The following NOTCH2NLC variants were observed in gnomAD, a reference collection of about 807,000 sequenced individuals.
NOTCH2NLC encodes the protein notch homolog 2 N-terminal-like protein C.
A neutral mutation model predicts 17.7 loss-of-function variants in NOTCH2NLC; 4 were observed. The observed-to-expected ratio is 0.23, with a 90% CI of 0.11 to 0.52. The LOEUF is 0.52. Among genes scored for constraint, NOTCH2NLC ranks in the 20% least tolerant of loss-of-function variants. NOTCH2NLC has a pLI of 0.96. For missense variants in NOTCH2NLC, 57 were observed against 207.2 expected (o/e 0.28, Z 4.45); for synonymous variants, 18 against 86.0 (o/e 0.21, Z 4.38).
rs1238905171 is a variant in NOTCH2NLC at position 149,461,062 on chromosome 1, G to A, written c.470-2429G>A. Among the ~76,000 whole-genome samples, 4 of 149,316 alleles carry A rather than the reference G, an allele frequency of 2.7e-5. 1 individual carries two copies. The highest frequency in any genetic ancestry group is 4.9e-5 in the African/African-American group (2 of 40,498). On this transcript the variant is annotated intron_variant, in intron 3 of 4. Transcript: ENST00000650865. ...TGATTCTTGTGCCTCAGCCTCCCAG[G>A]TAGCTGGGATTACAGGTATGTGCTA...
At chr1:149,391,192 G>C (rs1456665597) in intron 1 of NOTCH2NLC, among the ~76,000 whole-genome samples, 9 of 37,182 alleles carry the variant, frequency 2.4e-4, no homozygotes, top group Admixed American at 5.0e-4. Context: ...CTCCTCGGCA[G>C]GAGGGAGGCC....
chr1:149,442,097 C>T (rs1484209137), intron 2 of NOTCH2NLC, among the ~76,000 whole-genome samples: 1 of 150,614 alleles, frequency 6.6e-6, no homozygotes, highest in Non-Finnish European at 1.5e-5. Context: ...TCCATCGAGG[C>T]TGAAATACCT....
At chr1:149,419,065 TTTTCTTTTC>T (rs2084363680) in intron 1 of NOTCH2NLC, among the ~76,000 whole-genome samples, 2 of 149,670 alleles carry the variant, frequency 1.3e-5, no homozygotes, top group Non-Finnish European at 3.0e-5. Flanking sequence ...CTTTTTTTTC[TTTTCTTTTC>T]TTTCTTTTCT....
intron 1 of NOTCH2NLC, among the ~76,000 whole-genome samples, chr1:149,399,701 G>A (rs1403929491): frequency 1.0e-4 from 12 of 117,258 alleles, no homozygotes; most frequent in African/African-American, 4.0e-4. Context: ...GGAATTTTAG[G>A]TAAAAGACCG....
chr1:149,460,490 C>T (rs1273068985), intron 3 of NOTCH2NLC, among the ~76,000 whole-genome samples: 6 of 148,032 alleles, frequency 4.1e-5, no homozygotes, highest in Non-Finnish European at 7.5e-5. Flanking sequence ...AGGCACCTAC[C>T]GCCATGCCCG....
Position 149,415,975 on chromosome 1 carries a change from T to C in NOTCH2NLC, c.136-14967T>C, listed in dbSNP as rs1217872214. Among the ~76,000 whole-genome samples the C allele has an allele frequency of 4.0e-5, 6 of 151,068 alleles. No homozygotes were observed. In the South Asian group the frequency reaches 1.1e-3, roughly 26 times the overall value. ...AATTTATCTCCCATTTCAAGATCCA[T>C]GTTTGCTATATGTGTCAGATGATAA... is the stretch of plus-strand genomic sequence containing the variant. On this transcript the variant is annotated intron_variant, in intron 1 of 4. Coordinates refer to ENST00000650865, the MANE Select transcript of NOTCH2NLC (RefSeq NM_001364013.2).
intron 2 of NOTCH2NLC, among the ~76,000 whole-genome samples, chr1:149,441,000 C>T (rs1232472021): frequency 2.0e-5 from 3 of 150,736 alleles, no homozygotes; most frequent in Non-Finnish European, 4.4e-5. Context: ...TCCCTCAGAC[C>T]TTTTTGGCCT....
chr1:149,423,970 T>C (rs1373145422), intron 1 of NOTCH2NLC, among the ~76,000 whole-genome samples: 2 of 150,468 alleles, frequency 1.3e-5, no homozygotes, highest in African/African-American at 2.4e-5. Context: ...TAATTACTCA[T>C]GTTAGAGATT....
At chr1:149,419,252 G>T (rs1328447802) in intron 1 of NOTCH2NLC, among the ~76,000 whole-genome samples, 7 of 150,452 alleles carry the variant, frequency 4.7e-5, no homozygotes, top group Admixed American at 1.3e-4. Flanking sequence ...AAGCTGGAGA[G>T]AAATCTTTTG....
At chr1:149,395,827 T>G (rs1268361434) in intron 1 of NOTCH2NLC, among the ~76,000 whole-genome samples, 10 of 148,634 alleles carry the variant, frequency 6.7e-5, no homozygotes, top group Non-Finnish European at 1.3e-4. Context: ...TTTTTTTTTT[T>G]GAACCAAGAG....
At chr1:149,428,872 C>G (rs1403430883) in intron 1 of NOTCH2NLC, among the ~76,000 whole-genome samples, 2,521 of 148,370 alleles carry the variant, frequency 0.017, 64 homozygotes, top group Non-Finnish European at 0.024. Flanking sequence ...CCTACTGTGA[C>G]GGTTTTATTT....
At chr1:149,410,878 TCAGAGAGTTTG>T (rs1432311645) in intron 1 of NOTCH2NLC, among the ~76,000 whole-genome samples, 1 of 149,922 alleles carries the variant, frequency 6.7e-6, no homozygotes, top group African/African-American at 2.4e-5. Context: ...AGTGGTTGTT[TCAGAGAGTTTG>T]CAGCAATTAG....
At chr1:149,463,157 G>A (rs1320635146) in intron 3 of NOTCH2NLC, among the ~76,000 whole-genome samples, 2 of 150,918 alleles carry the variant, frequency 1.3e-5, no homozygotes, top group Non-Finnish European at 3.0e-5. Context: ...TCAAACAGGA[G>A]CAGCATATGC....
At position 149,417,173 on chromosome 1, in the gene NOTCH2NLC, G is replaced by C. The variant is rs1159259270; in HGVS notation, c.136-13769G>C. 1.7e-4 allele frequency among the ~76,000 whole-genome samples: 22 copies of C among 130,980 alleles called. 2 individuals carry two copies. In the East Asian group the frequency reaches 5.1e-3, roughly 31 times the overall value. The allele number at this position is 130,980 out of a possible 152,430, so 85.9% of individuals were successfully genotyped here. A position where few individuals can be genotyped will look rare whatever the true frequency, so the allele number is the denominator to read the frequency against. On this transcript the variant is annotated intron_variant, in intron 1 of 4. Transcript: ENST00000650865. Reference sequence around the variant, plus strand: ...CGCCCAGGCTGGAGTGCAGTGGCGCGATCTCTGCTCACTGCAAGCTCCGCC... The same window carrying C: ...CGCCCAGGCTGGAGTGCAGTGGCGCCATCTCTGCTCACTGCAAGCTCCGCC...
intron 2 of NOTCH2NLC, among the ~76,000 whole-genome samples, chr1:149,432,591 G>A (rs1336654162): frequency 3.3e-5 from 5 of 151,050 alleles, no homozygotes; most frequent in Admixed American, 2.0e-4. Flanking sequence ...GGCATTTGGT[G>A]CCTTAGTTGC....
At chr1:149,409,832 A>AAGGGCCC (rs1455661318) in intron 1 of NOTCH2NLC, among the ~76,000 whole-genome samples, 1 of 138,100 alleles carries the variant, frequency 7.2e-6, no homozygotes, top group Non-Finnish European at 1.6e-5. Flanking sequence ...CAAAACCAGG[A>AAGGGCCC]AGGGCCAGTG....
chr1:149,401,110 G>A (rs1252974629), intron 1 of NOTCH2NLC, among the ~76,000 whole-genome samples: 1 of 149,854 alleles, frequency 6.7e-6, no homozygotes, highest in Admixed American at 6.7e-5. Flanking sequence ...GATCAATGTT[G>A]TTGCTAAAGA....
At chr1:149,461,084 G>A (rs1324786325) in intron 3 of NOTCH2NLC, among the ~76,000 whole-genome samples, 3 of 150,136 alleles carry the variant, frequency 2.0e-5, no homozygotes, top group African/African-American at 4.9e-5. Context: ...ACAGGTATGT[G>A]CTATGAAGCC....
rs1158683680 is a variant in NOTCH2NLC, at chr1:149,445,736, CAT to C, written c.210-9581_210-9580del. Among the ~76,000 whole-genome samples the C allele has an allele frequency of 1.0e-4, 15 of 149,122 alleles. No homozygotes were observed. The East Asian group carries it at 2.6e-3, about 26-fold the overall frequency. On this transcript the variant is annotated intron_variant, in intron 2 of 4. Coordinates refer to ENST00000650865, the MANE Select transcript of NOTCH2NLC (RefSeq NM_001364013.2). ...GCAGCTGCAGTGCCGACGCAACCCA[CAT>C]GAGACTTTTTTTTCCCCTTCGTTCC...
Sources: gnomAD v4.1 joint callset for allele counts (sites outside exome capture counted in the v4.1 genomes callset) on GRCh38, gnomAD v4.1.1 for gene constraint, MANE v1.5 for transcripts, NCBI Gene and HGNC (gene_info 2026-07-23, HGNC 2026-07-21) for gene names.